The following THSD7B variants were observed in gnomAD, a reference collection of about 807,000 sequenced individuals.
THSD7B encodes thrombospondin type-1 domain-containing protein 7B.
A neutral mutation model predicts 213.6 loss-of-function variants in THSD7B; 138 were observed. That is an observed-to-expected ratio of 0.65 (90% CI 0.56 to 0.74). The LOEUF is 0.74. Ranked by LOEUF, THSD7B falls within the 30% of genes least tolerant of loss-of-function variation. The pLI is 0.00. For missense variants in THSD7B, 1,931 were observed against 1,991.5 expected, an observed-to-expected ratio of 0.97 and a Z score of 0.58; for synonymous variants, 742 against 687.0, an observed-to-expected ratio of 1.08 and a Z score of -1.25.
chr2:136,837,436 C>T (rs781780917), intron 1 of THSD7B, among the ~76,000 whole-genome samples: 1 of 152,182 alleles, frequency 6.6e-6, no homozygotes, highest in Non-Finnish European at 1.5e-5. Flanking sequence ...GACATATTCC[C>T]CCTCCTCATT....
chr2:137,173,604 C>T (rs537446584), intron 7 of THSD7B, among the ~76,000 whole-genome samples: 4 of 152,276 alleles, frequency 2.6e-5, no homozygotes, highest in South Asian at 2.1e-4. Flanking sequence ...ATATCAGCTC[C>T]GTGAAGTCTT....
chr2:137,352,162 G>A (rs998701312), intron 12 of THSD7B, among the ~76,000 whole-genome samples: 2 of 150,012 alleles, frequency 1.3e-5, no homozygotes, highest in African/African-American at 4.9e-5. Context: ...GAGGGGAGAA[G>A]GAGGAGGAGG....
intron 25 of THSD7B, among the ~76,000 whole-genome samples, chr2:137,659,980 T>C (rs1683312823): frequency 6.6e-6 from 1 of 152,198 alleles, no homozygotes; most frequent in Admixed American, 6.5e-5. Flanking sequence ...AAATACCTAA[T>C]TTATGTTAGC....
intron 15 of THSD7B, among the ~76,000 whole-genome samples, chr2:137,459,155 T>C (rs1687828748): frequency 6.6e-6 from 1 of 151,818 alleles, no homozygotes; most frequent in Admixed American, 6.6e-5. Flanking sequence ...GAGTACAGTA[T>C]CTTTTAAAAA....
chr2:137,371,608 A>AT (rs1685536586), intron 12 of THSD7B, among the ~76,000 whole-genome samples: 1 of 152,066 alleles, frequency 6.6e-6, no homozygotes, highest in Non-Finnish European at 1.5e-5. Flanking sequence ...TCCCTGGCAT[A>AT]TTTTTGTTCT....
At chr2:137,074,774 A>C (rs1451207732) in intron 3 of THSD7B, among the ~76,000 whole-genome samples, 1 of 152,150 alleles carries the variant, frequency 6.6e-6, no homozygotes, top group Non-Finnish European at 1.5e-5. Context: ...CTTTTAGGGC[A>C]GGCCTGGTGG....
At chr2:137,315,129 T>G (rs1311872587) in intron 12 of THSD7B, among the ~76,000 whole-genome samples, 1 of 152,134 alleles carries the variant, frequency 6.6e-6, no homozygotes, top group African/African-American at 2.4e-5. Flanking sequence ...TGCAGTTTGA[T>G]CTCAGGCTGC....
At chr2:136,987,466 G>A (rs1558877812) in intron 2 of THSD7B, among the ~76,000 whole-genome samples, 2 of 152,196 alleles carry the variant, frequency 1.3e-5, no homozygotes, top group Non-Finnish European at 2.9e-5. Context: ...AGGCATGTGA[G>A]GATAGGTTAA....
intron 3 of THSD7B, among the ~76,000 whole-genome samples, chr2:137,071,912 A>G (rs1249581282): frequency 6.6e-6 from 1 of 152,108 alleles, no homozygotes; most frequent in Non-Finnish European, 1.5e-5. Flanking sequence ...AAGATCAGAT[A>G]GTTGCAGATA....
intron 12 of THSD7B, among the ~76,000 whole-genome samples, chr2:137,372,348 T>TC (rs1685551350): frequency 6.9e-6 from 1 of 145,504 alleles, no homozygotes; most frequent in African/African-American, 2.6e-5. Context: ...TTTTTTTTTT[T>TC]TTTAATATTT....
rs916851655 is a variant in THSD7B, at chr2:137,350,617, T to A, written c.2501-54996T>A. On this transcript the variant is annotated intron_variant, in intron 12 of 27. Coordinates refer to ENST00000409968, the MANE Select transcript of THSD7B (RefSeq NM_001316349.2). ...GGAGAGCGACATGATTAGATTTATG[T>A]CTGAAAGAGATCACTCTGCAAGCAA... Among the ~76,000 whole-genome samples the A allele has an allele frequency of 3.2e-4, 49 of 151,766 alleles. 1 individual carries two copies. The highest frequency in any genetic ancestry group is 1.2e-3 in the African/African-American group (48 of 41,348).
At chr2:136,838,208 T>C (rs1311763048) in intron 1 of THSD7B, among the ~76,000 whole-genome samples, 1 of 152,198 alleles carries the variant, frequency 6.6e-6, no homozygotes, top group African/African-American at 2.4e-5. Context: ...TTTTTTTTGT[T>C]TGATGCTCTG....
At chr2:136,846,117 G>A (rs2104959570) in intron 1 of THSD7B, among the ~76,000 whole-genome samples, 1 of 152,246 alleles carries the variant, frequency 6.6e-6, no homozygotes, top group Admixed American at 6.5e-5. Flanking sequence ...AACCCCAGGG[G>A]TTGAATCAAG....
intron 2 of THSD7B, among the ~76,000 whole-genome samples, chr2:136,890,383 C>CTTCT (rs1573691893): frequency 1.2e-3 from 1 of 816 alleles, no homozygotes; most frequent in African/African-American, 3.4e-3. Context: ...CTTCCTCTTC[C>CTTCT]TCTTCCTCTT....
At chr2:137,363,934 C>CA (rs937284421) in intron 12 of THSD7B, among the ~76,000 whole-genome samples, 23 of 151,728 alleles carry the variant, frequency 1.5e-4, no homozygotes, top group Middle Eastern at 3.4e-3. Context: ...AGAGACACAA[C>CA]AAAAAAAAGA....
chr2:137,598,129 T>C (rs575235487), intron 17 of THSD7B, among the ~76,000 whole-genome samples: 6 of 152,228 alleles, frequency 3.9e-5, no homozygotes, highest in Admixed American at 3.9e-4. Flanking sequence ...GCTATGCACA[T>C]ATGCATATTT....
chr2:137,671,062 C>G (rs1490465590), intron 27 of THSD7B, among the ~76,000 whole-genome samples: 2 of 151,840 alleles, frequency 1.3e-5, no homozygotes, highest in African/African-American at 4.8e-5. Flanking sequence ...CCACAGTTCA[C>G]TTCAGTATCA....
chr2:136,795,647 T>C (rs1024387006), intron 1 of THSD7B, among the ~76,000 whole-genome samples: 1 of 152,016 alleles, frequency 6.6e-6, no homozygotes, highest in African/African-American at 2.4e-5. Flanking sequence ...CATTTATATG[T>C]AATACAATTA....
intron 1 of THSD7B, among the ~76,000 whole-genome samples, chr2:136,767,844 C>T (rs16836505): frequency 0.03 from 4,523 of 152,236 alleles, 208 homozygotes; most frequent in African/African-American, 0.1. Context: ...ACGATGAGCT[C>T]ACTTTATGTC....
Sources: allele counts gnomAD v4.1 joint callset (sites outside exome capture counted in the v4.1 genomes callset), GRCh38; gene constraint gnomAD v4.1.1; transcripts MANE v1.5; gene names NCBI Gene and HGNC (gene_info 2026-07-23, HGNC 2026-07-21).